MRPL42: variants seen among roughly 807,000 people sequenced by gnomAD.
The protein encoded by MRPL42 is large ribosomal subunit protein mL42.
A neutral mutation model predicts 17.9 loss-of-function variants in MRPL42; 17 were observed. The ratio of observed to expected loss-of-function variants is 0.95; its 90% CI spans 0.65 to 1.42. The LOEUF (loss-of-function observed/expected upper bound fraction) is 1.42. MRPL42 is among the 40% of genes most tolerant of loss of function. The pLI is 0.00. For synonymous variants in MRPL42, 59 were observed against 54.4 expected, an observed-to-expected ratio of 1.08 and a Z score of -0.37; for missense variants, 177 against 175.2, an observed-to-expected ratio of 1.01 and a Z score of -0.06.
Position 93,505,819 on chromosome 12 carries a change from A to C in MRPL42, c.*4598A>C, listed in dbSNP as rs1313782792. ...TTGAATTCTTGTCATGTTGCTTGTAAATGAGCTCCTGTTTTTAGATGGAGA... is the reference window on the plus strand; with the variant it reads ...TTGAATTCTTGTCATGTTGCTTGTACATGAGCTCCTGTTTTTAGATGGAGA... On this transcript the variant is annotated 3_prime_UTR_variant, in exon 6 of 6. Transcript: ENST00000549982. The C allele has an allele frequency of 6.6e-6, 1 of 152,194 alleles. No homozygotes were observed. The highest frequency in any genetic ancestry group is 1.9e-4 in the East Asian group (1 of 5,204). 9.4% of individuals were successfully genotyped at this position (152,194 alleles called of 1,614,324 possible).
At chr12:93,497,362 C>T (rs1164574699) in intron 5 of MRPL42, among the ~76,000 whole-genome samples, 1 of 152,126 alleles carries the variant, frequency 6.6e-6, no homozygotes, top group Non-Finnish European at 1.5e-5. Flanking sequence ...TCTAGCAGCA[C>T]ATCAAAAAAT....
intron 5 of MRPL42, among the ~76,000 whole-genome samples, chr12:93,492,643 G>A (rs1245284290): frequency 1.3e-5 from 2 of 152,146 alleles, no homozygotes; most frequent in Non-Finnish European, 2.9e-5. Flanking sequence ...CCTTCAGAAT[G>A]CTAAGAACTG....
Position 93,504,106 on chromosome 12 carries a change from A to G in MRPL42, c.*2885A>G, listed in dbSNP as rs1414168526. ...CGTTGAATCACCATGTCCGGCATCC[A>G]TGTTTATGTACATTTTTAAAGTCAG... On this transcript the variant is annotated 3_prime_UTR_variant, in exon 6 of 6. Transcript: ENST00000549982. 6.5e-6 allele frequency: 1 copy of G among 152,920 alleles called. No homozygotes were observed. The highest frequency in any genetic ancestry group is 1.5e-5 in the Non-Finnish European group (1 of 67,932). The allele number at this position is 152,920 out of a possible 1,614,324, so 9.5% of individuals were successfully genotyped here.
rs1340097336 is a variant in MRPL42, at chr12:93,505,836, A to G, written c.*4615A>G. The G allele has an allele frequency of 2.6e-5, 4 of 151,542 alleles. No individual in the cohort carries two copies. Among genetic ancestry groups the G allele is most frequent in the African/African-American group, 9.7e-5 (4 of 41,266 alleles). 9.4% of individuals were successfully genotyped at this position (151,542 alleles called of 1,614,324 possible). A position where few individuals can be genotyped will look rare whatever the true frequency, so the allele number is the denominator to read the frequency against. ...TGCTTGTAAATGAGCTCCTGTTTTT[A>G]GATGGAGAAATGGAGGCAGAGTCTC... On this transcript the variant is annotated 3_prime_UTR_variant, in exon 6 of 6. Transcript: ENST00000549982.
At chr12:93,485,176 T>A (rs997572429) in intron 4 of MRPL42, among the ~76,000 whole-genome samples, 4 of 142,724 alleles carry the variant, frequency 2.8e-5, no homozygotes, top group African/African-American at 7.8e-5. Context: ...TTTTTTTTTT[T>A]AATTGACACA....
chr12:93,487,523 T>C lies in MRPL42; in HGVS notation c.246T>C (p.His82=). 4 of 1,613,816 alleles carry C rather than the reference T, an allele frequency of 2.5e-6. No homozygotes were observed. The highest frequency in any genetic ancestry group is 2.5e-6 in the Non-Finnish European group (3 of 1,179,850). The change falls in exon 5 of 6, where the codon CAT becomes CAC. Residue 82 remains histidine (H), a synonymous_variant. Coordinates refer to ENST00000549982, the MANE Select transcript of MRPL42 (RefSeq NM_014050.4). ...CTATCCCTCGGCCAGATCCTGTGCATAATAATGAAGAAACACATGATCAAG... is the reference window on the plus strand; with the variant it reads ...CTATCCCTCGGCCAGATCCTGTGCACAATAATGAAGAAACACATGATCAAG... The part of the protein sequence containing the change: ...TKPIPRPDPV[H]NNEETHDQVL...
At chr12:93,470,673 T>G in intron 2 of MRPL42, 1 of 609,214 alleles carries the variant, frequency 1.6e-6, no homozygotes, top group Non-Finnish European at 2.2e-6. Flanking sequence ...TGTCCATATG[T>G]ACCCAATGTT....
At chr12:93,482,147 G>T (rs1880495640) in intron 4 of MRPL42, among the ~76,000 whole-genome samples, 1 of 152,148 alleles carries the variant, frequency 6.6e-6, no homozygotes, top group African/African-American at 2.4e-5. Context: ...TATTAGGTGA[G>T]CTCTCCACTC....
chr12:93,511,297 A>G lies in MRPL42; in HGVS notation c.*10076A>G, dbSNP rs1462035915. 6.6e-6 allele frequency: 1 copy of G among 152,216 alleles called. No homozygotes were observed. Among genetic ancestry groups the G allele is most frequent in the African/African-American group, 2.4e-5 (1 of 41,468 alleles). The allele number at this position is 152,216 out of a possible 1,614,324, so 9.4% of individuals were successfully genotyped here. A position where few individuals can be genotyped will look rare whatever the true frequency, so the allele number is the denominator to read the frequency against. On this transcript the variant is annotated 3_prime_UTR_variant, in exon 6 of 6. Transcript: ENST00000549982. ...ATCCAAAACCAGAAGATCTCTTTGAAAGAAAAACCTAAGTAATTAAAAAAC... is the reference window on the plus strand; with the variant it reads ...ATCCAAAACCAGAAGATCTCTTTGAGAGAAAAACCTAAGTAATTAAAAAAC...
chr12:93,481,608 T>C (rs1464996344), intron 4 of MRPL42, among the ~76,000 whole-genome samples: 1 of 152,188 alleles, frequency 6.6e-6, no homozygotes, highest in Non-Finnish European at 1.5e-5. Flanking sequence ...ATTCTTTTAC[T>C]TCAATATCCA....
chr12:93,485,501 A>G (rs568518534), intron 4 of MRPL42, among the ~76,000 whole-genome samples: 14 of 152,226 alleles, frequency 9.2e-5, no homozygotes, highest in African/African-American at 2.9e-4. Context: ...AATATATGCT[A>G]TAATATTTAA....
rs1158409532 is a variant in MRPL42, at chr12:93,487,584, C to T, written c.307C>T (p.Leu103Phe). ...CAGATTGGAAGAAAAAGTTGAACAC[C>T]TTGAGGAAGGACCTATGATAGAACA... ...KTRLEEKVEH[L>F]EEGPMIEQLS... The change falls in exon 5 of 6, where the codon CTT becomes TTT. Residue 103 changes from leucine (L) to phenylalanine (F), a missense_variant. Leu to Phe is a conservative substitution (Grantham distance 22). Coordinates refer to ENST00000549982, the MANE Select transcript of MRPL42 (RefSeq NM_014050.4). The T allele has an allele frequency of 6.2e-7, 1 of 1,613,206 alleles. No individual in the cohort carries two copies. The highest frequency in any genetic ancestry group is 8.5e-7 in the Non-Finnish European group (1 of 1,179,210).
At chr12:93,473,614 A>G (rs999899272) in intron 2 of MRPL42, among the ~76,000 whole-genome samples, 1 of 151,708 alleles carries the variant, frequency 6.6e-6, no homozygotes, top group Admixed American at 6.6e-5. Flanking sequence ...TATTTTTAGT[A>G]GAGATGGGGT....
At chr12:93,500,206 G>T (rs1202796706) in intron 5 of MRPL42, among the ~76,000 whole-genome samples, 1 of 152,072 alleles carries the variant, frequency 6.6e-6, no homozygotes, top group Non-Finnish European at 1.5e-5. Context: ...ATTTTCTCCT[G>T]TGTTCTTCCT....
In MRPL42 at chr12:93,515,522, C is replaced by A. The variant is rs1953771450; in HGVS notation, c.*14301C>A. The A allele has an allele frequency of 6.6e-6, 1 of 152,060 alleles. No individual in the cohort carries two copies. Among genetic ancestry groups the A allele is most frequent in the African/African-American group, 2.4e-5 (1 of 41,404 alleles). The allele number at this position is 152,060 out of a possible 1,614,324, so 9.4% of individuals were successfully genotyped here. On this transcript the variant is annotated 3_prime_UTR_variant, in exon 6 of 6. Coordinates refer to ENST00000549982, the MANE Select transcript of MRPL42 (RefSeq NM_014050.4). ...TAGCTGGGACTACAGGTGTGCATCACCATTCCCAGGTAATTTTTGTATTTT... is the reference window on the plus strand; with the variant it reads ...TAGCTGGGACTACAGGTGTGCATCAACATTCCCAGGTAATTTTTGTATTTT...
chr12:93,473,684 G>C (rs560470552), intron 2 of MRPL42, among the ~76,000 whole-genome samples: 4 of 152,180 alleles, frequency 2.6e-5, no homozygotes, highest in African/African-American at 9.6e-5. Context: ...ACCCACCTCA[G>C]CCTCCCAAAG....
chr12:93,495,041 C>T (rs1953472715), intron 5 of MRPL42, among the ~76,000 whole-genome samples: 1 of 152,120 alleles, frequency 6.6e-6, no homozygotes, highest in South Asian at 2.1e-4. Context: ...GAAAAGGAGC[C>T]TGGCCTCTGT....
Position 93,469,353 on chromosome 12 carries a change from A to G in MRPL42, c.68A>G (p.Gln23Arg). Residue 23 changes from glutamine (Q) to arginine (R), a missense_variant and splice_region_variant, in exon 2 of 6, where the codon CAA (glutamine) becomes CGA (arginine). By Grantham distance (43) the Gln-to-Arg change is conservative. Coordinates refer to ENST00000549982, the MANE Select transcript of MRPL42 (RefSeq NM_014050.4). ...ATCTTGAAACATTTATTTCCAGTCCAAAGTAAGTGAAATTTTTTTTAATGT... is the reference window on the plus strand; with the variant it reads ...ATCTTGAAACATTTATTTCCAGTCCGAAGTAAGTGAAATTTTTTTTAATGT... ...RTILKHLFPVQNGALYCVCHK... is the reference protein window; with the variant it reads ...RTILKHLFPVRNGALYCVCHK... The G allele has an allele frequency of 6.3e-7, 1 of 1,589,660 alleles. No homozygotes were observed. The highest frequency in any genetic ancestry group is 8.5e-7 in the Non-Finnish European group (1 of 1,172,216).
intron 2 of MRPL42, chr12:93,470,486 A>G: frequency 2.3e-6 from 3 of 1,282,192 alleles, no homozygotes; most frequent in Non-Finnish European, 3.1e-6. Flanking sequence ...TTTATTTTAG[A>G]TTCGGGCGTA....
Sources: gnomAD v4.1 joint callset for allele counts (sites outside exome capture counted in the v4.1 genomes callset) on GRCh38, gnomAD v4.1.1 for gene constraint, MANE v1.5 for transcripts, NCBI Gene and HGNC (gene_info 2026-07-23, HGNC 2026-07-21) for gene names.